The following CNNM2 variants were observed in gnomAD, a reference collection of about 807,000 sequenced individuals.
CNNM2 encodes metal transporter CNNM2.
CNNM2 carries 12 observed loss-of-function variants against 66.9 expected under a neutral mutation model. That is an observed-to-expected ratio of 0.18 (90% CI 0.11 to 0.29). The LOEUF is 0.29. Ranked by LOEUF, CNNM2 falls within the 10% of genes least tolerant of loss-of-function variation. CNNM2 has a pLI of 1.00. For synonymous variants in CNNM2, 557 were observed against 501.8 expected (o/e 1.11, Z -1.47); for missense variants, 705 against 1,167.7 (o/e 0.60, Z 5.77).
intron 1 of CNNM2, among the ~76,000 whole-genome samples, chr10:103,014,438 G>A (rs942278087): frequency 6.6e-6 from 1 of 152,184 alleles, no homozygotes; most frequent in Non-Finnish European, 1.5e-5. Context: ...TTTTACAAAT[G>A]GAGACCCTGA....
At position 102,986,842 on chromosome 10, in the gene CNNM2, T is replaced by C. The variant is rs2063807259; in HGVS notation, c.1622-62865T>C. On this transcript the variant is annotated intron_variant, in intron 1 of 7. Transcript: ENST00000369878. ...AGAATTATATTACTAGAGGTGGTGA[T>C]TCAGCAGAAGCTGGATAAGCAATAA... 7.2e-5 allele frequency among the ~76,000 whole-genome samples: 11 copies of C among 151,946 alleles called. No individual in the cohort carries two copies. The South Asian group carries it at 2.3e-3, about 32-fold the overall frequency.
At position 102,918,299 on chromosome 10, in the gene CNNM2, CCT is replaced by C. The variant is rs1845481573; in HGVS notation, c.-179_-178del. Reference sequence around the variant, plus strand: ...GGAGCAGCCGGCGCTCCTCTCCCTCCCTCTTTCCCTCCCGCGAGCCTCGGGGT... The same window carrying C: ...GGAGCAGCCGGCGCTCCTCTCCCTCCCTTTCCCTCCCGCGAGCCTCGGGGT... On this transcript the variant is annotated 5_prime_UTR_variant, in exon 1 of 8. Transcript: ENST00000369878. The surrounding 1 kb of genome is among the most constrained non-coding windows in gnomAD (Gnocchi z 4.1). 3.7e-6 allele frequency: 4 copies of C among 1,085,936 alleles called. No individual in the cohort carries two copies. In the South Asian group the frequency reaches 5.2e-5, roughly 14 times the overall value. 67.3% of individuals were successfully genotyped at this position (1,085,936 alleles called of 1,614,324 possible).
At chr10:102,986,538 T>C (rs977092198) in intron 1 of CNNM2, among the ~76,000 whole-genome samples, 3 of 152,046 alleles carry the variant, frequency 2.0e-5, no homozygotes, top group African/African-American at 7.2e-5. Flanking sequence ...ATACCAGTAC[T>C]TTGGGAGGCC....
chr10:103,011,406 T>C (rs1166486088), intron 1 of CNNM2, among the ~76,000 whole-genome samples: 4 of 152,092 alleles, frequency 2.6e-5, no homozygotes, highest in Non-Finnish European at 5.9e-5. Context: ...TAAGCTGAGA[T>C]TGTGCCACTG....
At chr10:102,946,410 C>T (rs535975404) in intron 1 of CNNM2, among the ~76,000 whole-genome samples, 330 of 152,044 alleles carry the variant, frequency 2.2e-3, no homozygotes, top group African/African-American at 6.9e-3. Flanking sequence ...GATTGTTGTC[C>T]GGAATCTTTT....
chr10:102,962,079 CA>C (rs1001148258), intron 1 of CNNM2, among the ~76,000 whole-genome samples: 35 of 146,672 alleles, frequency 2.4e-4, no homozygotes, highest in African/African-American at 6.8e-4. Context: ...AACAAATTAG[CA>C]AAAAAAAAAT....
chr10:103,004,996 T>TC (rs565986373), intron 1 of CNNM2, among the ~76,000 whole-genome samples: 4 of 152,104 alleles, frequency 2.6e-5, no homozygotes, highest in South Asian at 2.1e-4. Flanking sequence ...TCTTTTTTTT[T>TC]CCCCCCTCCA....
At chr10:102,991,962 A>G (rs889891909) in intron 1 of CNNM2, among the ~76,000 whole-genome samples, 1 of 152,150 alleles carries the variant, frequency 6.6e-6, no homozygotes, top group African/African-American at 2.4e-5. Context: ...CTATTACATT[A>G]AAGTTTTTTA....
chr10:102,981,905 G>T (rs1395590820), intron 1 of CNNM2, among the ~76,000 whole-genome samples: 1 of 151,696 alleles, frequency 6.6e-6, no homozygotes, highest in Non-Finnish European at 1.5e-5. Flanking sequence ...TAGGGTGACT[G>T]CCTCTTCTTC....
intron 1 of CNNM2, among the ~76,000 whole-genome samples, chr10:102,961,801 C>G (rs890119415): frequency 6.6e-6 from 1 of 151,988 alleles, no homozygotes; most frequent in Non-Finnish European, 1.5e-5. Context: ...TGGCTCACAC[C>G]TGTAATCCCA....
chr10:102,943,296 C>T (rs548343252), intron 1 of CNNM2, among the ~76,000 whole-genome samples: 10 of 152,196 alleles, frequency 6.6e-5, no homozygotes, highest in African/African-American at 2.4e-4. Context: ...GGCATGGTGG[C>T]ATGCACCTGT....
chr10:102,961,926 AT>A (rs1311737661), intron 1 of CNNM2, among the ~76,000 whole-genome samples: 3 of 151,978 alleles, frequency 2.0e-5, no homozygotes, highest in Non-Finnish European at 4.4e-5. Flanking sequence ...TTAAAAAAAA[AT>A]AAGAAAGGTT....
chr10:102,975,964 T>G (rs1382101854), intron 1 of CNNM2, among the ~76,000 whole-genome samples: 1 of 152,190 alleles, frequency 6.6e-6, no homozygotes, highest in Non-Finnish European at 1.5e-5. Flanking sequence ...CGGCTTGCTT[T>G]CAGTCTTAAG....
intron 6 of CNNM2, among the ~76,000 whole-genome samples, chr10:103,072,609 T>A (rs991503538): frequency 1.7e-4 from 26 of 152,376 alleles, no homozygotes; most frequent in African/African-American, 6.0e-4. Context: ...CCGACTGCCC[T>A]GCAGGAGAGG....
intron 1 of CNNM2, among the ~76,000 whole-genome samples, chr10:103,017,590 G>T (rs997211696): frequency 6.6e-6 from 1 of 152,164 alleles, no homozygotes; most frequent in African/African-American, 2.4e-5. Flanking sequence ...GTGAGGAATT[G>T]CTTTCCAGAA....
At chr10:102,977,427 A>G (rs1448504287) in intron 1 of CNNM2, among the ~76,000 whole-genome samples, 1 of 152,194 alleles carries the variant, frequency 6.6e-6, no homozygotes, top group Non-Finnish European at 1.5e-5. Context: ...CTCAACCTGT[A>G]TTTCAACTGG....
intron 1 of CNNM2, among the ~76,000 whole-genome samples, chr10:103,021,679 C>T (rs1318550378): frequency 6.6e-6 from 1 of 152,098 alleles, no homozygotes; most frequent in South Asian, 2.1e-4. Context: ...AGAGTCCTGC[C>T]GAGAGTTGGA....
intron 1 of CNNM2, among the ~76,000 whole-genome samples, chr10:102,986,136 A>G (rs1401779391): frequency 6.6e-6 from 1 of 152,214 alleles, no homozygotes; most frequent in Non-Finnish European, 1.5e-5. Flanking sequence ...TACAAAGATA[A>G]TGCATGTGAT....
In CNNM2 at chr10:103,079,906, C is replaced by T. The variant is rs1173808668; in HGVS notation, c.*2726C>T. 1 of 152,208 alleles carries T rather than the reference C, an allele frequency of 6.6e-6. No homozygotes were observed. The highest frequency in any genetic ancestry group is 1.5e-5 in the Non-Finnish European group (1 of 68,062). The allele number at this position is 152,208 out of a possible 1,614,324, so 9.4% of individuals were successfully genotyped here. ...CAGGCCCCATTTTCCCTCAGGAAAC[C>T]AACCTCTCAGATGGTTGGAGGAGAA... is the stretch of plus-strand genomic sequence containing the variant. On this transcript the variant is annotated 3_prime_UTR_variant, in exon 8 of 8. Transcript: ENST00000369878.
Sources: allele counts gnomAD v4.1 joint callset (sites outside exome capture counted in the v4.1 genomes callset), GRCh38; gene constraint gnomAD v4.1.1; non-coding constraint Gnocchi (gnomAD v3.1); transcripts MANE v1.5; gene names NCBI Gene and HGNC (gene_info 2026-07-23, HGNC 2026-07-21).